The following ANKRD6 variants were observed in gnomAD, a reference collection of about 807,000 sequenced individuals.
ANKRD6 encodes the protein ankyrin repeat domain 6.
ANKRD6 carries 56 observed loss-of-function variants against 82.3 expected under a neutral mutation model. That is an observed-to-expected ratio of 0.68 (90% CI 0.55 to 0.85). The LOEUF (loss-of-function observed/expected upper bound fraction) is 0.85. Ranked by LOEUF, ANKRD6 falls within the 40% of genes least tolerant of loss-of-function variation. The pLI is 0.00. For missense variants in ANKRD6, 852 were observed against 907.6 expected, an observed-to-expected ratio of 0.94 and a Z score of 0.79; for synonymous variants, 347 against 352.1, an observed-to-expected ratio of 0.99 and a Z score of 0.16.
chr6:89,627,125 T>G (rs1052553620), intron 13 of ANKRD6, among the ~76,000 whole-genome samples: 17 of 151,942 alleles, frequency 1.1e-4, no homozygotes, highest in Non-Finnish European at 7.4e-5. Context: ...TTTTTTTTTT[T>G]GGCTCACTGC....
At chr6:89,488,457 TA>T (rs2127831246) in intron 1 of ANKRD6, among the ~76,000 whole-genome samples, 1 of 152,118 alleles carries the variant, frequency 6.6e-6, no homozygotes, top group African/African-American at 2.4e-5. Flanking sequence ...CTCTAATAAA[TA>T]AAAACAAACC....
rs143711183 is a variant in ANKRD6, at chr6:89,600,257, G to A, written c.220-2772G>A. 2.8e-3 allele frequency among the ~76,000 whole-genome samples: 421 copies of A among 152,262 alleles called. 1 individual carries two copies. The highest frequency in any genetic ancestry group is 7.3e-3 in the African/African-American group (302 of 41,544). On this transcript the variant is annotated intron_variant, in intron 3 of 15. Transcript: ENST00000339746. ...GTAATAAATAACTTGGTGCCATTCCGGCTCCAAAGATACCTCAACTCATAA... is the reference window on the plus strand; with the variant it reads ...GTAATAAATAACTTGGTGCCATTCCAGCTCCAAAGATACCTCAACTCATAA...
At chr6:89,566,797 A>G (rs977818983) in intron 1 of ANKRD6, 37 bp from the exon 2 acceptor site, 37 of 712,132 alleles carry the variant, frequency 5.2e-5, no homozygotes, top group Non-Finnish European at 8.1e-5. Flanking sequence ...TTGTGTGTCA[A>G]GTGGCCCTGA....
At chr6:89,578,270 T>A in intron 2 of ANKRD6, among the ~76,000 whole-genome samples, 1 of 150,138 alleles carries the variant, frequency 6.7e-6, no homozygotes, top group African/African-American at 2.5e-5. Context: ...GATTAGCTTT[T>A]TCCCCCTCCC....
intron 1 of ANKRD6, among the ~76,000 whole-genome samples, chr6:89,459,324 C>T (rs1408350768): frequency 1.3e-5 from 2 of 151,968 alleles, no homozygotes; most frequent in Non-Finnish European, 1.5e-5. Context: ...GTGATCTGCC[C>T]GCCTCGGCCT....
chr6:89,521,468 C>A (rs1781883479), intron 1 of ANKRD6, among the ~76,000 whole-genome samples: 1 of 152,140 alleles, frequency 6.6e-6, no homozygotes, highest in Admixed American at 6.5e-5. Context: ...TGGCCCCCAA[C>A]CATGTTAAGA....
chr6:89,516,920 G>A (rs894438813), intron 1 of ANKRD6, among the ~76,000 whole-genome samples: 1 of 152,210 alleles, frequency 6.6e-6, no homozygotes, highest in Admixed American at 6.5e-5. Flanking sequence ...CCAGACTGGA[G>A]TGCAGTGGCA....
intron 2 of ANKRD6, among the ~76,000 whole-genome samples, chr6:89,593,398 G>A (rs2128145579): frequency 6.6e-6 from 1 of 152,346 alleles, no homozygotes; most frequent in African/African-American, 2.4e-5. Context: ...GATTTCATTG[G>A]AAGAATCGAG....
In ANKRD6 at chr6:89,632,455, G is replaced by C. The variant is rs546278898; in HGVS notation, c.*1451G>C. 3.3e-5 allele frequency: 5 copies of C among 152,244 alleles called. No individual in the cohort carries two copies. Among genetic ancestry groups the C allele is most frequent in the Admixed American group, 2.6e-4 (4 of 15,304 alleles). The allele number at this position is 152,244 out of a possible 1,614,324, so 9.4% of individuals were successfully genotyped here. On this transcript the variant is annotated 3_prime_UTR_variant, in exon 16 of 16. Coordinates refer to ENST00000339746, the MANE Select transcript of ANKRD6 (RefSeq NM_001242809.2). ...TTTTGTTGAGACAGGGTCTTGCTCT[G>C]TCACCCAGACTGGAGTGCAGTGGCA... is the stretch of plus-strand genomic sequence containing the variant.
intron 5 of ANKRD6, among the ~76,000 whole-genome samples, chr6:89,610,149 A>G (rs1032143117): frequency 2.6e-5 from 4 of 152,228 alleles, no homozygotes; most frequent in African/African-American, 7.2e-5. Context: ...AGATATAGGT[A>G]TGAAGTCACG....
intron 1 of ANKRD6, among the ~76,000 whole-genome samples, chr6:89,516,852 CA>C (rs1034421322): frequency 6.6e-6 from 1 of 152,116 alleles, no homozygotes; most frequent in African/African-American, 2.4e-5. Flanking sequence ...ACCCCAATAA[CA>C]GTGAGAATAA....
At chr6:89,532,498 C>T (rs182917320) in intron 1 of ANKRD6, among the ~76,000 whole-genome samples, 49 of 152,228 alleles carry the variant, frequency 3.2e-4, no homozygotes, top group African/African-American at 1.2e-3. Flanking sequence ...TATATGTCAC[C>T]AGAGCACACT....
chr6:89,480,040 C>T (rs919049146), intron 1 of ANKRD6, among the ~76,000 whole-genome samples: 8 of 152,004 alleles, frequency 5.3e-5, no homozygotes, highest in African/African-American at 1.9e-4. Context: ...CTTTAAGTTC[C>T]TCCTCCACCT....
intron 6 of ANKRD6, among the ~76,000 whole-genome samples, chr6:89,613,253 T>C (rs1800678581): frequency 6.6e-6 from 1 of 152,172 alleles, no homozygotes; most frequent in Admixed American, 6.5e-5. Flanking sequence ...CCCTACTACA[T>C]AGCTCCATAT....
intron 2 of ANKRD6, among the ~76,000 whole-genome samples, chr6:89,584,547 C>T (rs1793285966): frequency 6.6e-6 from 1 of 152,196 alleles, no homozygotes; most frequent in Admixed American, 6.5e-5. Flanking sequence ...TACATGTTTC[C>T]TTGTTCTAAG....
At chr6:89,464,064 GTC>G (rs1421970648) in intron 1 of ANKRD6, among the ~76,000 whole-genome samples, 1 of 152,128 alleles carries the variant, frequency 6.6e-6, no homozygotes, top group African/African-American at 2.4e-5. Flanking sequence ...CAGTAATAGA[GTC>G]TTGCCTTTAA....
At chr6:89,592,661 T>C (rs756574630) in intron 2 of ANKRD6, among the ~76,000 whole-genome samples, 1 of 152,138 alleles carries the variant, frequency 6.6e-6, no homozygotes, top group Admixed American at 6.5e-5. Context: ...CAAGGTAACA[T>C]AGAGTAAGTA....
intron 1 of ANKRD6, among the ~76,000 whole-genome samples, chr6:89,497,654 TTC>T (rs1229847043): frequency 6.6e-5 from 10 of 151,186 alleles, no homozygotes; most frequent in Non-Finnish European, 4.4e-5. Flanking sequence ...ATATGTTTTT[TTC>T]TCTCTCTCTC....
chr6:89,440,710 G>T (rs923990361), intron 1 of ANKRD6, among the ~76,000 whole-genome samples: 3 of 151,960 alleles, frequency 2.0e-5, no homozygotes, highest in Non-Finnish European at 4.4e-5. Context: ...AGGATCGATC[G>T]CTTGAGCCCA....
Sources: gnomAD v4.1 joint callset for allele counts (sites outside exome capture counted in the v4.1 genomes callset) on GRCh38, gnomAD v4.1.1 for gene constraint, MANE v1.5 for transcripts, NCBI Gene and HGNC (gene_info 2026-07-23, HGNC 2026-07-21) for gene names.